Variants in CCSER1 observed in about 807,000 individuals in gnomAD.
CCSER1 encodes the protein coiled-coil serine rich protein 1.
Under a neutral mutation model 82.0 loss-of-function variants are expected in CCSER1, and 41 were observed. The observed-to-expected ratio is 0.50, with a 90% CI of 0.39 to 0.65. The LOEUF (loss-of-function observed/expected upper bound fraction) is 0.65. CCSER1 is among the 30% of genes least tolerant of loss of function. CCSER1 has a pLI of 0.00. For missense variants in CCSER1, 1,119 were observed against 1,064.2 expected, an observed-to-expected ratio of 1.05 and a Z score of -0.72; for synonymous variants, 414 against 383.9, an observed-to-expected ratio of 1.08 and a Z score of -0.92.
At chr4:90,835,885 T>A (rs573342643) in intron 8 of CCSER1, among the ~76,000 whole-genome samples, 2 of 152,274 alleles carry the variant, frequency 1.3e-5, no homozygotes, top group South Asian at 4.1e-4. Flanking sequence ...CAACACAAGG[T>A]CTGGGGCATA....
intron 9 of CCSER1, among the ~76,000 whole-genome samples, chr4:90,996,424 A>G (rs1353122694): frequency 6.6e-6 from 1 of 152,090 alleles, no homozygotes; most frequent in Non-Finnish European, 1.5e-5. Context: ...CCATTTATTT[A>G]TTATTTCTGA....
At position 90,822,161 on chromosome 4, in the gene CCSER1, G is replaced by A. The variant is rs1015270962; in HGVS notation, c.2094+6316G>A. The stretch of plus-strand genomic sequence containing the variant: ...ATTTAGTTAGTTCTATGACCGTGAA[G>A]AGAAGAATTTAATTGTCCTAATTAA... On this transcript the variant is annotated intron_variant, in intron 8 of 10. Transcript: ENST00000509176. 4.6e-5 allele frequency among the ~76,000 whole-genome samples: 7 copies of A among 152,166 alleles called. No individual in the cohort carries two copies. In the East Asian group the frequency reaches 1.3e-3, roughly 29 times the overall value.
chr4:90,982,794 A>C (rs927370898), intron 9 of CCSER1, among the ~76,000 whole-genome samples: 1 of 151,798 alleles, frequency 6.6e-6, no homozygotes, highest in Non-Finnish European at 1.5e-5. Context: ...GGCTGAAAAG[A>C]GTGAGAAAAG....
intron 9 of CCSER1, among the ~76,000 whole-genome samples, chr4:90,956,339 C>A (rs946538402): frequency 6.6e-6 from 1 of 151,942 alleles, no homozygotes; most frequent in East Asian, 1.9e-4. Flanking sequence ...TTCATTTCTT[C>A]GTATAGAAAA....
At chr4:90,735,385 T>A (rs1465739862) in intron 7 of CCSER1, among the ~76,000 whole-genome samples, 3 of 152,134 alleles carry the variant, frequency 2.0e-5, no homozygotes, top group Admixed American at 6.5e-5. Context: ...TCAGAATAGC[T>A]TGAGGAGGAT....
At position 90,312,908 on chromosome 4, in the gene CCSER1, A is replaced by G. The variant is rs763548979; in HGVS notation, c.1370A>G (p.Glu457Gly). 7.6e-6 allele frequency: 12 copies of G among 1,583,302 alleles called. No homozygotes were observed. In the East Asian group the frequency reaches 2.5e-4, roughly 33 times the overall value. Residue 457 changes from glutamate to glycine, a missense_variant, in exon 3 of 11, where the codon GAG (glutamate) becomes GGG (glycine). By Grantham distance (98) the Glu-to-Gly change is moderately conservative. Coordinates refer to ENST00000509176, the MANE Select transcript of CCSER1 (RefSeq NM_001145065.2). ...CCATTTCGTGAAGGAAGATTTATAG[A>G]GAGGAGACTGCGATCCTCGTCAGAA... ...LSPFREGRFI[E>G]RRLRSSSEGT... is the part of the protein sequence containing the mutation.
At chr4:91,348,635 A>G (rs2149296467) in intron 10 of CCSER1, among the ~76,000 whole-genome samples, 1 of 152,286 alleles carries the variant, frequency 6.6e-6, no homozygotes, top group African/African-American at 2.4e-5. Context: ...CCAATTTTTT[A>G]AATAGATGTT....
chr4:90,838,991 G>A (rs1244836242), intron 8 of CCSER1: 6 of 1,612,686 alleles, frequency 3.7e-6, no homozygotes, highest in Admixed American at 1.7e-5. Context: ...CTTCAGTTTC[G>A]GCTTATCGAA....
chr4:91,237,248 T>C (rs532444922), intron 10 of CCSER1, among the ~76,000 whole-genome samples: 1 of 152,124 alleles, frequency 6.6e-6, no homozygotes, highest in South Asian at 2.1e-4. Context: ...CAACATAAAT[T>C]AGATGTTTTT....
In CCSER1 at chr4:91,538,698, C is replaced by CATATATTATGTATATATATATATAT; in HGVS notation, c.2218-59868_2218-59867insTATGTATATATATATATATATATAT. Among the ~76,000 whole-genome samples, 599 of 138,304 alleles carry CATATATTATGTATATATATATATAT rather than the reference C, an allele frequency of 4.3e-3. 15 individuals are homozygous for CATATATTATGTATATATATATATAT. Among genetic ancestry groups the CATATATTATGTATATATATATATAT allele is most frequent in the African/African-American group, 0.015 (550 of 36,380 alleles). 90.7% of individuals were successfully genotyped at this position (138,304 alleles called of 152,430 possible). The stretch of plus-strand genomic sequence containing the variant: ...ATATATGATATATATTATATATACA[C>CATATATTATGTATATATATATATAT]ATATATATATATAATATCTCAGTGC... On this transcript the variant is annotated intron_variant, in intron 10 of 10. Transcript: ENST00000509176.
At chr4:90,588,497 C>T (rs2148674655) in intron 5 of CCSER1, among the ~76,000 whole-genome samples, 1 of 152,248 alleles carries the variant, frequency 6.6e-6, no homozygotes, top group Non-Finnish European at 1.5e-5. Context: ...CTTTAGGCTC[C>T]ACTTCTAATT....
At chr4:90,598,469 A>G (rs1243085888) in intron 5 of CCSER1, among the ~76,000 whole-genome samples, 1 of 152,018 alleles carries the variant, frequency 6.6e-6, no homozygotes, top group Non-Finnish European at 1.5e-5. Flanking sequence ...ACCTTCAACA[A>G]TATTTGTTAT....
intron 7 of CCSER1, among the ~76,000 whole-genome samples, chr4:90,778,558 A>T (rs977973156): frequency 6.6e-6 from 1 of 151,178 alleles, no homozygotes; most frequent in South Asian, 2.1e-4. Context: ...AGAAACCCAT[A>T]CACTAACATA....
At chr4:91,264,132 CTG>C (rs72188902) in intron 10 of CCSER1, among the ~76,000 whole-genome samples, 39,847 of 151,452 alleles carry the variant, frequency 0.26, 5,324 homozygotes, top group South Asian at 0.38. Context: ...GAGGAAGAGA[CTG>C]TTGTAATTTT....
In CCSER1 at chr4:91,470,072, G is replaced by A. The variant is rs145814049; in HGVS notation, c.2218-128500G>A. On this transcript the variant is annotated intron_variant, in intron 10 of 10. Transcript: ENST00000509176. ...AAGTCCGACTGTTAAATCTGTAGAT[G>A]CAAAAAGCCTACTTATATAACCAGT... 3.9e-3 allele frequency among the ~76,000 whole-genome samples: 591 copies of A among 152,226 alleles called. 2 individuals carry two copies. The highest frequency in any genetic ancestry group is 0.014 in the African/African-American group (561 of 41,542).
chr4:90,504,835 A>T (rs1380408801), intron 5 of CCSER1, among the ~76,000 whole-genome samples: 1 of 152,192 alleles, frequency 6.6e-6, no homozygotes, highest in Non-Finnish European at 1.5e-5. Flanking sequence ...GAGAATGCCA[A>T]TTCCAAACAT....
At chr4:91,009,989 G>A (rs540402745) in intron 9 of CCSER1, among the ~76,000 whole-genome samples, 3 of 152,000 alleles carry the variant, frequency 2.0e-5, no homozygotes, top group African/African-American at 7.3e-5. Context: ...CTTTACCTGA[G>A]AATTTTTTAC....
intron 4 of CCSER1, among the ~76,000 whole-genome samples, chr4:90,403,314 A>G (rs1201726784): frequency 6.6e-6 from 1 of 151,870 alleles, no homozygotes; most frequent in Non-Finnish European, 1.5e-5. Context: ...CCCGGCTAAA[A>G]CGGTGAAACC....
At chr4:90,918,037 C>G (rs921996493) in intron 8 of CCSER1, among the ~76,000 whole-genome samples, 5 of 151,772 alleles carry the variant, frequency 3.3e-5, no homozygotes, top group Admixed American at 6.6e-5. Context: ...TAGCTTTTAC[C>G]TATCTTTTGC....
Sources: gnomAD v4.1 joint callset for allele counts (sites outside exome capture counted in the v4.1 genomes callset) on GRCh38, gnomAD v4.1.1 for gene constraint, MANE v1.5 for transcripts, NCBI Gene and HGNC (gene_info 2026-07-23, HGNC 2026-07-21) for gene names.